The following ADARB2 variants were observed in gnomAD, a reference collection of about 807,000 sequenced individuals.
The protein encoded by ADARB2 is inactive double-stranded RNA-specific editase B2.
In ADARB2, 25 loss-of-function variants were observed where a neutral mutation model predicts 62.2. The ratio of observed to expected loss-of-function variants is 0.40; its 90% CI spans 0.29 to 0.56. ADARB2 has a LOEUF of 0.56. ADARB2 is among the 20% of genes least tolerant of loss of function. The probability of loss-of-function intolerance (pLI) is 0.43; values close to 1 mark genes in which losing one functional copy is unlikely to be tolerated. For missense variants in ADARB2, 1,071 were observed against 1,077.4 expected (o/e 0.99, Z 0.08); for synonymous variants, 572 against 500.8 (o/e 1.14, Z -1.90).
chr10:1,337,008 G>T (rs1185280832), intron 3 of ADARB2, among the ~76,000 whole-genome samples: 1 of 151,550 alleles, frequency 6.6e-6, no homozygotes, highest in Non-Finnish European at 1.5e-5. Flanking sequence ...AATGGACTGG[G>T]TTATTTTATA....
At chr10:1,440,420 G>A (rs546125164) in intron 1 of ADARB2, among the ~76,000 whole-genome samples, 1 of 127,962 alleles carries the variant, frequency 7.8e-6, no homozygotes. Context: ...TGCTACAAAC[G>A]CCTTTTTTTT....
intron 1 of ADARB2, among the ~76,000 whole-genome samples, chr10:1,533,789 C>A (rs539673974): frequency 6.6e-6 from 1 of 152,196 alleles, no homozygotes; most frequent in Non-Finnish European, 1.5e-5. Context: ...AATGCCCAGA[C>A]AAGTCCTGTG....
At chr10:1,550,219 A>C (rs1007847639) in intron 1 of ADARB2, among the ~76,000 whole-genome samples, 1 of 152,070 alleles carries the variant, frequency 6.6e-6, no homozygotes, top group African/African-American at 2.4e-5. Context: ...ACACAACTAC[A>C]TTTTGTTTGT....
Position 1,192,595 on chromosome 10 carries a change from A to G in ADARB2, c.1864+7371T>C, listed in dbSNP as rs148739655. ...ACATAAAAAGTACTATGGAGGCTGG[A>G]GATGGTAGGGTTAACTGAGGATGGA... On this transcript the variant is annotated intron_variant, in intron 8 of 9. Coordinates refer to ENST00000381312, the MANE Select transcript of ADARB2 (RefSeq NM_018702.4). Among the ~76,000 whole-genome samples the G allele has an allele frequency of 4.1e-4, 63 of 152,338 alleles. No individual in the cohort carries two copies. The East Asian group carries it at 9.8e-3, about 24-fold the overall frequency.
At chr10:1,609,433 C>G (rs1833539698) in intron 1 of ADARB2, among the ~76,000 whole-genome samples, 1 of 152,244 alleles carries the variant, frequency 6.6e-6, no homozygotes, top group Non-Finnish European at 1.5e-5. Context: ...CCTGTCTGCC[C>G]CTGTCTCCTG....
intron 1 of ADARB2, among the ~76,000 whole-genome samples, chr10:1,721,386 G>A (rs1835090584): frequency 6.6e-6 from 1 of 152,162 alleles, no homozygotes; most frequent in Non-Finnish European, 1.5e-5. Context: ...GACTTTAAAA[G>A]TACCACCTTA....
At chr10:1,693,737 A>G (rs1834701604) in intron 1 of ADARB2, among the ~76,000 whole-genome samples, 2 of 152,246 alleles carry the variant, frequency 1.3e-5, no homozygotes, top group Non-Finnish European at 2.9e-5. Flanking sequence ...CTGTCACTGC[A>G]GAAGCAAACT....
At chr10:1,267,279 T>C (rs1473953495) in intron 4 of ADARB2, among the ~76,000 whole-genome samples, 1 of 152,184 alleles carries the variant, frequency 6.6e-6, no homozygotes, top group Non-Finnish European at 1.5e-5. Context: ...AATTGAAAGC[T>C]TAGAATTCCC....
At chr10:1,394,346 G>A (rs1832593694) in intron 1 of ADARB2, among the ~76,000 whole-genome samples, 5 of 152,184 alleles carry the variant, frequency 3.3e-5, no homozygotes, top group Admixed American at 2.6e-4. Context: ...CAGCCTCAAG[G>A]CCCGCGGGTC....
chr10:1,514,853 C>T (rs1358439392), intron 1 of ADARB2, among the ~76,000 whole-genome samples: 2 of 152,114 alleles, frequency 1.3e-5, no homozygotes, highest in African/African-American at 2.4e-5. Context: ...AATTTGGCCA[C>T]GTTGCAGGAT....
At chr10:1,450,604 T>C (rs1046550075) in intron 1 of ADARB2, among the ~76,000 whole-genome samples, 1 of 152,218 alleles carries the variant, frequency 6.6e-6, no homozygotes, top group African/African-American at 2.4e-5. Flanking sequence ...GGGAAACTGA[T>C]CACAAAGAGG....
intron 1 of ADARB2, among the ~76,000 whole-genome samples, chr10:1,399,201 T>C (rs556598049): frequency 6.6e-6 from 1 of 152,274 alleles, no homozygotes; most frequent in African/African-American, 2.4e-5. Context: ...TGTGCTGAAG[T>C]GCCGGCTGTT....
intron 2 of ADARB2, among the ~76,000 whole-genome samples, chr10:1,373,546 CGTGT>C (rs748032660): frequency 6.6e-6 from 1 of 151,994 alleles, no homozygotes; most frequent in African/African-American, 2.4e-5. Context: ...TGTGTGCATG[CGTGT>C]GTGTGTGCAT....
At chr10:1,347,298 A>G (rs926997365) in intron 3 of ADARB2, among the ~76,000 whole-genome samples, 4 of 152,206 alleles carry the variant, frequency 2.6e-5, no homozygotes, top group Admixed American at 1.3e-4. Context: ...TTGTCTCCCC[A>G]GCCGGCGTCC....
At chr10:1,462,665 ATGTGCCTGTGTGTATGTGTG>A (rs1221551053) in intron 1 of ADARB2, among the ~76,000 whole-genome samples, 2 of 148,020 alleles carry the variant, frequency 1.4e-5, no homozygotes, top group African/African-American at 5.1e-5. Flanking sequence ...ACATGAGTGT[ATGTGCCTGTGTGTATGTGTG>A]CATGTGTGTG....
At position 1,363,058 on chromosome 10, in the gene ADARB2, G is replaced by C; in HGVS notation, c.1047C>G (p.Pro349=). 6.9e-7 allele frequency: 1 copy of C among 1,442,434 alleles called. No homozygotes were observed. Among genetic ancestry groups the C allele is most frequent in the South Asian group, 1.4e-5 (1 of 69,710 alleles). 89.4% of individuals were successfully genotyped at this position (1,442,434 alleles called of 1,614,324 possible). The part of the protein sequence containing the change: ...LFDIQMPGHA[P]GRARRTPMPQ... Reference sequence around the variant, plus strand: ...GCATTGGCGTCCTCCTGGCCCTGCCGGGCGCGTGGCCGGGCATCTGGATGT... The same window carrying C: ...GCATTGGCGTCCTCCTGGCCCTGCCCGGCGCGTGGCCGGGCATCTGGATGT... The change falls in exon 3 of 10, where the codon CCC becomes CCG. Residue 349 remains proline (P), a synonymous_variant. Transcript: ENST00000381312.
intron 1 of ADARB2, among the ~76,000 whole-genome samples, chr10:1,520,868 T>C (rs1033049360): frequency 6.6e-6 from 1 of 152,266 alleles, no homozygotes. Flanking sequence ...ACTACATATG[T>C]AGCATTGAGA....
In ADARB2 at chr10:1,393,432, T is replaced by C. The variant is rs577568591; in HGVS notation, c.101-14272A>G. 2.9e-4 allele frequency among the ~76,000 whole-genome samples: 44 copies of C among 152,380 alleles called. 1 individual carries two copies. Among genetic ancestry groups the C allele is most frequent in the Middle Eastern group, 3.4e-3 (1 of 294 alleles). On this transcript the variant is annotated intron_variant, in intron 1 of 9. Coordinates refer to ENST00000381312, the MANE Select transcript of ADARB2 (RefSeq NM_018702.4). ...ATTATTGGCTCTATTCATCCTGTTG[T>C]GCTATCAAAAACTAGGTCTTTTTCA...
chr10:1,256,069 C>T (rs1428218205), intron 4 of ADARB2, among the ~76,000 whole-genome samples: 1 of 152,232 alleles, frequency 6.6e-6, no homozygotes, highest in African/African-American at 2.4e-5. Context: ...CGTCCCAGCA[C>T]AGTGCTCAAC....
Sources: gnomAD v4.1 joint callset for allele counts (sites outside exome capture counted in the v4.1 genomes callset) on GRCh38, gnomAD v4.1.1 for gene constraint, MANE v1.5 for transcripts, NCBI Gene and HGNC (gene_info 2026-07-23, HGNC 2026-07-21) for gene names.